The following PXK variants were observed in gnomAD, a reference collection of about 807,000 sequenced individuals.
PXK encodes PX domain containing serine/threonine kinase like, also known as PX domain-containing protein kinase-like protein.
Under a neutral mutation model 84.7 loss-of-function variants are expected in PXK, and 35 were observed. The ratio of observed to expected loss-of-function variants is 0.41; its 90% CI spans 0.32 to 0.55. The LOEUF is 0.55. Ranked by LOEUF, PXK falls within the 20% of genes least tolerant of loss-of-function variation. The probability of loss-of-function intolerance (pLI) is 0.21; values close to 1 mark genes in which losing one functional copy is unlikely to be tolerated. For synonymous variants in PXK, 253 were observed against 260.8 expected, an observed-to-expected ratio of 0.97 and a Z score of 0.29; for missense variants, 634 against 699.7, an observed-to-expected ratio of 0.91 and a Z score of 1.06.
chr3:58,415,968 T>C (rs373443518), intron 17 of PXK, among the ~76,000 whole-genome samples: 10 of 152,326 alleles, frequency 6.6e-5, no homozygotes, highest in African/African-American at 2.4e-4. Flanking sequence ...TGATCTTAGT[T>C]GCAGAAGCTC....
chr3:58,376,232 T>G (rs2098440850), intron 3 of PXK, among the ~76,000 whole-genome samples: 1 of 152,022 alleles, frequency 6.6e-6, no homozygotes, highest in Non-Finnish European at 1.5e-5. Context: ...CTGGCCAACA[T>G]GGTGAAACCC....
chr3:58,387,471 T>G (rs1352004937), intron 4 of PXK, among the ~76,000 whole-genome samples: 1 of 152,134 alleles, frequency 6.6e-6, no homozygotes, highest in Non-Finnish European at 1.5e-5. Flanking sequence ...CACAGGGAGA[T>G]TGACAGGTGA....
chr3:58,346,226 G>A (rs554168046), intron 1 of PXK, among the ~76,000 whole-genome samples: 2 of 152,274 alleles, frequency 1.3e-5, no homozygotes, highest in South Asian at 4.1e-4. Flanking sequence ...ACAACAGTGA[G>A]GGGGGGTTTG....
At position 58,397,795 on chromosome 3, in the gene PXK, C is replaced by T; in HGVS notation, c.1102+73C>T. The stretch of plus-strand genomic sequence containing the variant: ...AGCCACTCATCCCCTTTCCAGAGTC[C>T]AGGAAAGACCCAGAGGAAGTTGCTG... On this transcript the variant is annotated intron_variant, in intron 11 of 17. Coordinates refer to ENST00000356151, the MANE Select transcript of PXK (RefSeq NM_017771.5). This position sits in a 1 kb window ranked among gnomAD's most constrained non-coding sequence, Gnocchi z 4.7. 3 of 1,238,232 alleles carry T rather than the reference C, an allele frequency of 2.4e-6. No homozygotes were observed. The highest frequency in any genetic ancestry group is 3.5e-6 in the Non-Finnish European group (3 of 862,254). 76.7% of individuals were successfully genotyped at this position (1,238,232 alleles called of 1,614,324 possible). A position where few individuals can be genotyped will look rare whatever the true frequency, so the allele number is the denominator to read the frequency against.
At chr3:58,342,185 CA>C (rs765636496) in intron 1 of PXK, among the ~76,000 whole-genome samples, 1 of 152,082 alleles carries the variant, frequency 6.6e-6, no homozygotes, top group Non-Finnish European at 1.5e-5. Flanking sequence ...ATTCTAAGCA[CA>C]AGTTCTTTAG....
intron 9 of PXK, among the ~76,000 whole-genome samples, chr3:58,396,105 G>T (rs2057620439): frequency 6.6e-6 from 1 of 152,124 alleles, no homozygotes; most frequent in South Asian, 2.1e-4. Flanking sequence ...CTCCCTTACA[G>T]AAGTATAACC....
intron 1 of PXK, among the ~76,000 whole-genome samples, chr3:58,348,922 T>A (rs1028098385): frequency 4.0e-5 from 6 of 151,752 alleles, no homozygotes; most frequent in African/African-American, 1.2e-4. Flanking sequence ...TACTTTTTTT[T>A]AATTAATATG....
At chr3:58,368,840 G>A (rs2098320882) in intron 2 of PXK, among the ~76,000 whole-genome samples, 1 of 152,204 alleles carries the variant, frequency 6.6e-6, no homozygotes, top group Admixed American at 6.5e-5. Context: ...AGTAGAATTT[G>A]ACTATAGCCT....
At chr3:58,387,384 A>G (rs1021701421) in intron 4 of PXK, among the ~76,000 whole-genome samples, 1 of 152,222 alleles carries the variant, frequency 6.6e-6, no homozygotes, top group Non-Finnish European at 1.5e-5. Flanking sequence ...TTTATTGAGC[A>G]TCTACTGTGT....
At chr3:58,391,681 C>A in intron 6 of PXK, 92 bp from the exon 7 acceptor site, 3 of 1,174,508 alleles carry the variant, frequency 2.6e-6, no homozygotes, top group South Asian at 2.5e-5. Flanking sequence ...GGTTTCCAGT[C>A]ATATTTTGGA....
intron 1 of PXK, among the ~76,000 whole-genome samples, chr3:58,336,055 ATATATATATATATATATTTTTTT>A (rs1559828550): frequency 6.8e-5 from 4 of 58,478 alleles, no homozygotes; most frequent in South Asian, 5.3e-4. Flanking sequence ...ATATATATAT[ATATATATATATATATATTTTTTT>A]TTTTTTTTTT....
chr3:58,336,069 A>ATTTTTTTTT (rs1382137800), intron 1 of PXK, among the ~76,000 whole-genome samples: 1 of 56,634 alleles, frequency 1.8e-5, no homozygotes, highest in African/African-American at 1.2e-4. Flanking sequence ...ATATATATAT[A>ATTTTTTTTT]TATTTTTTTT....
At chr3:58,392,659 A>G (rs770470008) in intron 7 of PXK, among the ~76,000 whole-genome samples, 5 of 106,084 alleles carry the variant, frequency 4.7e-5, no homozygotes, top group Non-Finnish European at 2.1e-5. Context: ...CCTAGTTCTA[A>G]ATTTCTTTTT....
Position 58,391,206 on chromosome 3 carries a change from C to T in PXK, c.526C>T (p.Leu176=), listed in dbSNP as rs766964579. Residue 176 remains leucine, a synonymous_variant, in exon 6 of 18, where the codon CTA becomes TTA. Transcript: ENST00000356151. The part of the protein sequence containing the change: ...MKIKNQPKER[L]VLSWADLGPD... ...GATTAAAAATCAGCCAAAGGAACGG[C>T]TAGTGTTAAGCTGGGTAAGCTAGCT... 2.5e-6 allele frequency: 4 copies of T among 1,613,316 alleles called. No homozygotes were observed. The South Asian group carries it at 3.3e-5, about 13-fold the overall frequency.
chr3:58,369,420 G>A lies in PXK; in HGVS notation c.154-11G>A, dbSNP rs1212457690. On this transcript the variant is annotated splice_polypyrimidine_tract_variant and intron_variant, in intron 2 of 17. Coordinates refer to ENST00000356151, the MANE Select transcript of PXK (RefSeq NM_017771.5). ...TTGCTGAATCAAAACACTACTTCTT[G>A]TCTCTTACAGATTGTTAGAAGATAC... The A allele has an allele frequency of 1.9e-6, 3 of 1,600,340 alleles. No individual in the cohort carries two copies. Among genetic ancestry groups the A allele is most frequent in the Non-Finnish European group, 1.7e-6 (2 of 1,168,142 alleles).
chr3:58,388,230 C>T lies in PXK; in HGVS notation c.389-2352C>T, dbSNP rs188548773. 1.1e-4 allele frequency among the ~76,000 whole-genome samples: 16 copies of T among 152,290 alleles called. 1 individual carries two copies. The highest frequency in any genetic ancestry group is 3.9e-4 in the African/African-American group (16 of 41,544). ...TGACCCTAAGTGAAAAAAGCTATTT[C>T]ACAGTCCTCAGTTTATCAGTGAGAA... On this transcript the variant is annotated intron_variant, in intron 4 of 17. Coordinates refer to ENST00000356151, the MANE Select transcript of PXK (RefSeq NM_017771.5).
chr3:58,370,256 A>T lies in PXK; in HGVS notation c.201+778A>T, dbSNP rs1033499061. ...TGTAGTTAGAAATCCCTTTGTTTTA[A>T]ATGTTCCTAACTTGAGGGCCATAAT... On this transcript the variant is annotated intron_variant, in intron 3 of 17. Coordinates refer to ENST00000356151, the MANE Select transcript of PXK (RefSeq NM_017771.5). This position sits in a 1 kb window ranked among gnomAD's most constrained non-coding sequence, Gnocchi z 4.2. Among the ~76,000 whole-genome samples the T allele has an allele frequency of 1.3e-5, 2 of 152,158 alleles. No individual in the cohort carries two copies. The highest frequency in any genetic ancestry group is 1.3e-4 in the Admixed American group (2 of 15,278).
rs1053175938 is a variant in PXK, at chr3:58,390,707, T to G, written c.466+48T>G. The G allele has an allele frequency of 6.5e-7, 1 of 1,540,544 alleles. No homozygotes were observed. The highest frequency in any genetic ancestry group is 8.9e-7 in the Non-Finnish European group (1 of 1,123,630). On this transcript the variant is annotated intron_variant, in intron 5 of 17. Transcript: ENST00000356151. The surrounding 1 kb of genome is among the most constrained non-coding windows in gnomAD (Gnocchi z 4.2). ...CTGTTAAAAAGACAGATCACAGAAC[T>G]GGATCCTTAGTCATGCTTTCTGATA...
In PXK at chr3:58,336,067, ATATATTTTT is replaced by A. The variant is rs1350027777; in HGVS notation, c.102+2979_102+2987del. Among the ~76,000 whole-genome samples, 145 of 59,480 alleles carry A rather than the reference ATATATTTTT, an allele frequency of 2.4e-3. 1 individual carries two copies. Among genetic ancestry groups the A allele is most frequent in the African/African-American group, 0.014 (137 of 9,862 alleles). The allele number at this position is 59,480 out of a possible 152,430, so 39.0% of individuals were successfully genotyped here. A position where few individuals can be genotyped will look rare whatever the true frequency, so the allele number is the denominator to read the frequency against. Reference sequence around the variant, plus strand: ...TATATATATATATATATATATATATATATATTTTTTTTTTTTTTTTTTAATACCAATGGG... The same window carrying A: ...TATATATATATATATATATATATATATTTTTTTTTTTTTAATACCAATGGG... On this transcript the variant is annotated intron_variant, in intron 1 of 17. Coordinates refer to ENST00000356151, the MANE Select transcript of PXK (RefSeq NM_017771.5).
Sources: gnomAD v4.1 joint callset for allele counts (sites outside exome capture counted in the v4.1 genomes callset) on GRCh38, gnomAD v4.1.1 for gene constraint, Gnocchi (gnomAD v3.1) non-coding constraint, MANE v1.5 for transcripts, NCBI Gene and HGNC (gene_info 2026-07-23, HGNC 2026-07-21) for gene names.